The following PRRX2 variants were observed in gnomAD, a reference collection of about 807,000 sequenced individuals.
The protein encoded by PRRX2 is paired related homeobox 2.
Under a neutral mutation model 18.0 loss-of-function variants are expected in PRRX2, and 11 were observed. The observed-to-expected ratio is 0.61, with a 90% CI of 0.39 to 1.01. The LOEUF (loss-of-function observed/expected upper bound fraction) is 1.01, where lower values mean the gene tolerates loss of function less well. Among genes scored for constraint, PRRX2 ranks in the 50% least tolerant of loss-of-function variants. The probability of loss-of-function intolerance (pLI) is 0.01; values close to 1 mark genes in which losing one functional copy is unlikely to be tolerated. For synonymous variants in PRRX2, 177 were observed against 154.8 expected (o/e 1.14, Z -1.06); for missense variants, 387 against 351.0 (o/e 1.10, Z -0.82).
chr9:129,669,019 C>T (rs12343585), intron 1 of PRRX2, among the ~76,000 whole-genome samples: 20,895 of 149,812 alleles, frequency 0.14, 1,725 homozygotes, highest in South Asian at 0.19. Flanking sequence ...TGGTGACAGA[C>T]GCCTATAATC....
In PRRX2 at chr9:129,675,843, C is replaced by G. The variant is rs759005744; in HGVS notation, c.259+9717C>G. 6.6e-6 allele frequency among the ~76,000 whole-genome samples: 1 copy of G among 152,230 alleles called. No individual in the cohort carries two copies. Among genetic ancestry groups the G allele is most frequent in the African/African-American group, 2.4e-5 (1 of 41,452 alleles). On this transcript the variant is annotated intron_variant, in intron 1 of 3. Coordinates refer to ENST00000372469, the MANE Select transcript of PRRX2 (RefSeq NM_016307.4). This position sits in a 1 kb window ranked among gnomAD's most constrained non-coding sequence, Gnocchi z 4.4. The stretch of plus-strand genomic sequence containing the variant: ...AGCCTCTCTCGCCGCCAGAGCTCTG[C>G]GCGGGCCTCCCGTATAAAACCCCGC...
intron 1 of PRRX2, among the ~76,000 whole-genome samples, chr9:129,684,515 CA>C (rs879742503): frequency 0.12 from 5,678 of 45,486 alleles, 238 homozygotes; most frequent in East Asian, 0.34. Flanking sequence ...CACACACACA[CA>C]CACACACCCA....
chr9:129,722,102 G>A (rs1832800134), intron 3 of PRRX2, 115 bp from the exon 4 acceptor site: 3 of 1,426,944 alleles, frequency 2.1e-6, no homozygotes, highest in Admixed American at 2.1e-5. Context: ...CCTGGGTGAA[G>A]GCTGCCCAGG....
intron 1 of PRRX2, among the ~76,000 whole-genome samples, chr9:129,682,826 C>T (rs375826619): frequency 6.6e-6 from 1 of 152,148 alleles, no homozygotes; most frequent in South Asian, 2.1e-4. Context: ...CCTCCTTGGC[C>T]GGGCCCAGTG....
chr9:129,710,217 T>C (rs896801818), intron 1 of PRRX2, among the ~76,000 whole-genome samples: 1 of 152,096 alleles, frequency 6.6e-6, no homozygotes, highest in Non-Finnish European at 1.5e-5. Context: ...ATGCAAGCAG[T>C]GACCCCAAAG....
chr9:129,722,399 T>C lies in PRRX2; in HGVS notation c.*47T>C. 2 of 1,603,266 alleles carry C rather than the reference T, an allele frequency of 1.2e-6. No homozygotes were observed. Among genetic ancestry groups the C allele is most frequent in the South Asian group, 1.1e-5 (1 of 90,172 alleles). ...AGACGCCTCCCTGGGTGGACAGCAA[T>C]AGAAAAGGGGGCAGACGCCCAGGAA... On this transcript the variant is annotated 3_prime_UTR_variant, in exon 4 of 4. Coordinates refer to ENST00000372469, the MANE Select transcript of PRRX2 (RefSeq NM_016307.4).
intron 1 of PRRX2, among the ~76,000 whole-genome samples, chr9:129,668,039 G>A (rs942947014): frequency 9.2e-5 from 14 of 152,326 alleles, no homozygotes; most frequent in Non-Finnish European, 5.9e-5. Flanking sequence ...GGGCTGGTCC[G>A]TCTTGGAAGC....
In PRRX2 at chr9:129,720,700, C is replaced by T. The variant is rs768366620; in HGVS notation, c.552C>T (p.Ile184=). 11 of 1,613,258 alleles carry T rather than the reference C, an allele frequency of 6.8e-6. No homozygotes were observed. The South Asian group carries it at 8.8e-5, about 13-fold the overall frequency. The change falls in exon 3 of 4, where the codon ATC becomes ATT. Residue 184 remains isoleucine (I), a synonymous_variant. Transcript: ENST00000372469. ...LLKSYSQEAA[I]EQPVAPRPTA... is the part of the protein sequence containing the mutation. ...AGTCCTACAGCCAGGAGGCCGCCAT[C>T]GAGCAGCCCGTGGCTCCCCGGCCCA...
At chr9:129,721,383 C>T (rs967336136) in intron 3 of PRRX2, among the ~76,000 whole-genome samples, 4 of 152,082 alleles carry the variant, frequency 2.6e-5, no homozygotes, top group African/African-American at 7.2e-5. Flanking sequence ...GCTCGAGAGT[C>T]GGGCCACCAT....
chr9:129,674,124 T>G (rs536184490), intron 1 of PRRX2, among the ~76,000 whole-genome samples: 1 of 152,100 alleles, frequency 6.6e-6, no homozygotes, highest in African/African-American at 2.4e-5. Flanking sequence ...GAGGTTGTTA[T>G]GAGACCCAGA....
chr9:129,697,829 C>G (rs1832446724), intron 1 of PRRX2, among the ~76,000 whole-genome samples: 1 of 152,114 alleles, frequency 6.6e-6, no homozygotes, highest in Admixed American at 6.5e-5. Context: ...GCTTCCCCGC[C>G]CCCCGAAGTT....
Position 129,722,318 on chromosome 9 carries a change from G to A in PRRX2, c.728G>A (p.Ser243Asn). 1 of 1,614,028 alleles carries A rather than the reference G, an allele frequency of 6.2e-7. No individual in the cohort carries two copies. Reference protein sequence around the residue: ...ASLRLKAKEFSLHHSQVPTVN With the variant: ...ASLRLKAKEFNLHHSQVPTVN ...CTCCGTCTCAAGGCCAAGGAGTTCA[G>A]CCTGCACCACAGCCAGGTGCCTACG... Residue 243 changes from serine (S) to asparagine (N), a missense_variant, in exon 4 of 4, where the codon AGC becomes AAC. Transcript: ENST00000372469.
intron 1 of PRRX2, among the ~76,000 whole-genome samples, chr9:129,681,551 T>C (rs1279162221): frequency 6.6e-6 from 1 of 151,976 alleles, no homozygotes; most frequent in Non-Finnish European, 1.5e-5. Context: ...TCCTTGATGA[T>C]AAAGCAGCCC....
rs1414639629 is a variant in PRRX2, at chr9:129,719,245, C to G, written c.274C>G (p.Pro92Ala). 1 of 1,596,840 alleles carries G rather than the reference C, an allele frequency of 6.3e-7. No individual in the cohort carries two copies. The highest frequency in any genetic ancestry group is 8.5e-7 in the Non-Finnish European group (1 of 1,171,716). Residue 92 changes from proline (P) to alanine (A), a missense_variant, in exon 2 of 4, where the codon CCG becomes GCG. By Grantham distance (27) the Pro-to-Ala change is conservative (BLOSUM62 -1). Coordinates refer to ENST00000372469, the MANE Select transcript of PRRX2 (RefSeq NM_016307.4). ...AAPQDGECPS[P>A]GRGSAAKRKK... ...AACCTCCGCAGGTGAGTGTCCCAGC[C>G]CGGGGCGCGGTAGCGCCGCCAAGCG...
chr9:129,697,152 C>G (rs1208823410), intron 1 of PRRX2, among the ~76,000 whole-genome samples: 2 of 152,208 alleles, frequency 1.3e-5, no homozygotes, highest in Non-Finnish European at 2.9e-5. Flanking sequence ...GCCTTTGTCA[C>G]TAATCGGGGG....
intron 1 of PRRX2, among the ~76,000 whole-genome samples, chr9:129,702,040 G>T (rs1261756346): frequency 2.0e-5 from 3 of 152,042 alleles, no homozygotes; most frequent in African/African-American, 4.8e-5. Context: ...GGCAGAGGCT[G>T]CCCTGAGCCA....
chr9:129,700,186 T>A lies in PRRX2; in HGVS notation c.260-19045T>A, dbSNP rs370702278. Among the ~76,000 whole-genome samples the A allele has an allele frequency of 6.2e-4, 95 of 152,308 alleles. 1 individual carries two copies. Among genetic ancestry groups the A allele is most frequent in the African/African-American group, 2.0e-3 (85 of 41,576 alleles). On this transcript the variant is annotated intron_variant, in intron 1 of 3. Coordinates refer to ENST00000372469, the MANE Select transcript of PRRX2 (RefSeq NM_016307.4). ...TGGGAGGAAGATCTTGTTATCCCCA[T>A]TTTCTGGATGGGATAACTGAAGCAC... is the stretch of plus-strand genomic sequence containing the variant.
intron 1 of PRRX2, among the ~76,000 whole-genome samples, chr9:129,687,772 C>G (rs1292367902): frequency 1.3e-5 from 2 of 152,252 alleles, no homozygotes; most frequent in Non-Finnish European, 2.9e-5. Context: ...GGCAGGCAGA[C>G]AGACTGGCTC....
intron 3 of PRRX2, among the ~76,000 whole-genome samples, chr9:129,721,796 G>A (rs914450128): frequency 6.6e-6 from 1 of 152,162 alleles, no homozygotes; most frequent in African/African-American, 2.4e-5. Flanking sequence ...GGCCAGGCTG[G>A]TCTCGAACTC....
Sources: gnomAD v4.1 joint callset for allele counts (sites outside exome capture counted in the v4.1 genomes callset) on GRCh38, gnomAD v4.1.1 for gene constraint, Gnocchi (gnomAD v3.1) non-coding constraint, MANE v1.5 for transcripts, NCBI Gene and HGNC (gene_info 2026-07-23, HGNC 2026-07-21) for gene names.